The following LHFPL3 variants were observed in gnomAD, a reference collection of about 807,000 sequenced individuals.
LHFPL3 encodes the protein LHFPL tetraspan subfamily member 3 protein.
In LHFPL3, 5 loss-of-function variants were observed where a neutral mutation model predicts 19.3. The ratio of observed to expected loss-of-function variants is 0.26; its 90% CI spans 0.14 to 0.54. LHFPL3 has a LOEUF of 0.54. Ranked by LOEUF, LHFPL3 falls within the 20% of genes least tolerant of loss-of-function variation. The pLI is 0.94. For missense variants in LHFPL3, 249 were observed against 307.4 expected (o/e 0.81, Z 1.42); for synonymous variants, 133 against 126.2 (o/e 1.05, Z -0.36).
At chr7:104,668,449 G>A (rs547328383) in intron 1 of LHFPL3, 238 of 1,610,400 alleles carry the variant, frequency 1.5e-4, no homozygotes, top group Non-Finnish European at 1.9e-4. Flanking sequence ...GACCGGTATC[G>A]GGATGGGTAT....
intron 1 of LHFPL3, among the ~76,000 whole-genome samples, chr7:104,415,636 A>C (rs555386847): frequency 6.6e-6 from 1 of 152,338 alleles, no homozygotes; most frequent in South Asian, 2.1e-4. Context: ...CTGTTTTCAA[A>C]TGTCTGTAAT....
rs181828974 is a variant in LHFPL3 at position 104,437,478 on chromosome 7, C to T, written c.445+108254C>T. The stretch of plus-strand genomic sequence containing the variant: ...GACACTAAGCAGAGTTAGCCCAGAC[C>T]CCTTCCCCACAGGTTAAGGTTTCCG... On this transcript the variant is annotated intron_variant, in intron 1 of 2. Coordinates refer to ENST00000424859, the MANE Select transcript of LHFPL3 (RefSeq NM_199000.3). Among the ~76,000 whole-genome samples the T allele has an allele frequency of 3.3e-3, 498 of 152,188 alleles. 1 individual carries two copies. Among genetic ancestry groups the T allele is most frequent in the Non-Finnish European group, 5.3e-3 (363 of 67,996 alleles).
intron 2 of LHFPL3, among the ~76,000 whole-genome samples, chr7:104,841,529 T>TGTGC (rs1791209006): frequency 6.6e-6 from 1 of 151,708 alleles, no homozygotes; most frequent in African/African-American, 2.4e-5. Flanking sequence ...TGTGTGTGTG[T>TGTGC]CTTTTAGGGT....
chr7:104,789,914 C>T (rs1018099941), intron 2 of LHFPL3, among the ~76,000 whole-genome samples: 3 of 152,042 alleles, frequency 2.0e-5, no homozygotes, highest in African/African-American at 7.2e-5. Context: ...TTTTTTCTAG[C>T]GGTTTTTTCC....
chr7:104,400,054 A>G (rs1314139793), intron 1 of LHFPL3, among the ~76,000 whole-genome samples: 2 of 132,860 alleles, frequency 1.5e-5, no homozygotes, highest in Non-Finnish European at 3.1e-5. Flanking sequence ...CAGTGAGCCG[A>G]GATTACACCA....
At chr7:104,500,971 C>A (rs1793588877) in intron 1 of LHFPL3, among the ~76,000 whole-genome samples, 1 of 152,180 alleles carries the variant, frequency 6.6e-6, no homozygotes. Context: ...CAGCTTTACT[C>A]TCTAGCTTAA....
At chr7:104,813,617 C>T (rs1245448376) in intron 2 of LHFPL3, among the ~76,000 whole-genome samples, 1 of 152,158 alleles carries the variant, frequency 6.6e-6, no homozygotes, top group African/African-American at 2.4e-5. Flanking sequence ...GTGTAGGGTC[C>T]AGCCACTGTG....
At chr7:104,356,843 C>T (rs1790286302) in intron 1 of LHFPL3, among the ~76,000 whole-genome samples, 1 of 152,168 alleles carries the variant, frequency 6.6e-6, no homozygotes, top group South Asian at 2.1e-4. Context: ...ACCCCTGGCC[C>T]ACGGACTGGT....
At chr7:104,701,293 T>G (rs1584487292) in intron 1 of LHFPL3, among the ~76,000 whole-genome samples, 2 of 152,204 alleles carry the variant, frequency 1.3e-5, no homozygotes, top group African/African-American at 4.8e-5. Flanking sequence ...CCTTGAACAA[T>G]GCAGGGATTA....
At position 104,884,615 on chromosome 7, in the gene LHFPL3, G is replaced by A. The variant is rs190208475; in HGVS notation, c.683-21572G>A. Among the ~76,000 whole-genome samples the A allele has an allele frequency of 1.6e-3, 244 of 152,232 alleles. 1 individual carries two copies. The highest frequency in any genetic ancestry group is 5.8e-3 in the African/African-American group (240 of 41,536). The stretch of plus-strand genomic sequence containing the variant: ...GCCTGATCTCAACCAGCTGTTAGGA[G>A]GGAAATTGGCTGATTATCTGATTAA... On this transcript the variant is annotated intron_variant, in intron 2 of 2. Transcript: ENST00000424859.
At chr7:104,824,092 G>A (rs1477980943) in intron 2 of LHFPL3, among the ~76,000 whole-genome samples, 1 of 122,118 alleles carries the variant, frequency 8.2e-6, no homozygotes, top group African/African-American at 3.2e-5. Flanking sequence ...GTTGCAGTGA[G>A]CCAACATTGT....
intron 2 of LHFPL3, among the ~76,000 whole-genome samples, chr7:104,900,364 A>G (rs960134991): frequency 5.3e-5 from 8 of 152,228 alleles, no homozygotes; most frequent in Non-Finnish European, 7.3e-5. Context: ...CTTGTGAAAT[A>G]CTTACTTTCC....
At position 104,328,854 on chromosome 7, in the gene LHFPL3, C is replaced by T; in HGVS notation, c.75C>T (p.Tyr25=). ...MLPAQEAAKL[Y]HTNYVRNSRA... ...CGGCTCAGGAGGCTGCCAAGCTGTA[C>T]CACACCAACTATGTGCGGAACTCGC... The change falls in exon 1 of 3, where the codon TAC becomes TAT. Residue 25 remains tyrosine, a synonymous_variant. Transcript: ENST00000424859. This position sits in a 1 kb window ranked among gnomAD's most constrained non-coding sequence, Gnocchi z 4.6. The T allele has an allele frequency of 6.2e-7, 1 of 1,614,176 alleles. No individual in the cohort carries two copies. The highest frequency in any genetic ancestry group is 2.2e-5 in the East Asian group (1 of 44,844).
chr7:104,474,258 A>C (rs1792964491), intron 1 of LHFPL3, among the ~76,000 whole-genome samples: 1 of 152,230 alleles, frequency 6.6e-6, no homozygotes, highest in South Asian at 2.1e-4. Context: ...ATCTGCTTCA[A>C]AACACCTACA....
intron 1 of LHFPL3, among the ~76,000 whole-genome samples, chr7:104,647,560 A>G (rs569681215): frequency 6.6e-6 from 1 of 152,372 alleles, no homozygotes; most frequent in Admixed American, 6.5e-5. Flanking sequence ...TTTTTGAAAC[A>G]TACTGTATTA....
intron 1 of LHFPL3, among the ~76,000 whole-genome samples, chr7:104,588,554 G>C (rs1328809212): frequency 6.6e-6 from 1 of 152,136 alleles, no homozygotes; most frequent in Non-Finnish European, 1.5e-5. Flanking sequence ...GTAGCATGAT[G>C]CCTCCAGTTT....
chr7:104,422,275 C>A lies in LHFPL3; in HGVS notation c.445+93051C>A, dbSNP rs1421496697. ...ATTTGCGAGGCTGAGGCAGGAGAAT[C>A]ACTTGAACCCGGGAGGTGGAGGTTG... is the stretch of plus-strand genomic sequence containing the variant. On this transcript the variant is annotated intron_variant, in intron 1 of 2. Coordinates refer to ENST00000424859, the MANE Select transcript of LHFPL3 (RefSeq NM_199000.3). Among the ~76,000 whole-genome samples, 4 of 152,268 alleles carry A rather than the reference C, an allele frequency of 2.6e-5. No homozygotes were observed. The East Asian group carries it at 7.7e-4, about 29-fold the overall frequency.
chr7:104,851,347 G>T (rs1484951012), intron 2 of LHFPL3, among the ~76,000 whole-genome samples: 2 of 152,140 alleles, frequency 1.3e-5, no homozygotes, highest in Non-Finnish European at 2.9e-5. Flanking sequence ...TGGTTGGCTG[G>T]GCTCAACCAA....
At chr7:104,843,295 C>T (rs1384029983) in intron 2 of LHFPL3, among the ~76,000 whole-genome samples, 1 of 152,194 alleles carries the variant, frequency 6.6e-6, no homozygotes, top group East Asian at 1.9e-4. Context: ...TCTCAGAGCA[C>T]GTCAGTGTGG....
Sources: allele counts gnomAD v4.1 joint callset (sites outside exome capture counted in the v4.1 genomes callset), GRCh38; gene constraint gnomAD v4.1.1; non-coding constraint Gnocchi (gnomAD v3.1); transcripts MANE v1.5; gene names NCBI Gene and HGNC (gene_info 2026-07-23, HGNC 2026-07-21).